The following AKR1C4 variants were observed in gnomAD, a reference collection of about 807,000 sequenced individuals.
AKR1C4 encodes the protein 3-alpha-HSD1.
A neutral mutation model predicts 41.0 loss-of-function variants in AKR1C4; 44 were observed. The ratio of observed to expected loss-of-function variants is 1.07; its 90% confidence interval spans 0.84 to 1.38. The LOEUF (loss-of-function observed/expected upper bound fraction) is 1.38. AKR1C4 is among the 40% of genes most tolerant of loss of function. The pLI is 0.00. For missense variants in AKR1C4, 438 were observed against 387.9 expected, an observed-to-expected ratio of 1.13 and a Z score of -1.09; for synonymous variants, 165 against 137.7, an observed-to-expected ratio of 1.20 and a Z score of -1.39.
At chr10:5,204,731 A>G (rs1832458238) in intron 3 of AKR1C4, 2 of 625,562 alleles carry the variant, frequency 3.2e-6, no homozygotes, top group Admixed American at 2.2e-5. Flanking sequence ...GAAAATAACA[A>G]CAGCCACCTT....
In AKR1C4 at chr10:5,213,016, C is replaced by CT; in HGVS notation, c.707dup (p.Leu236PhefsTer39). ...CAGGGTGGACCCAAACTCCCCAGTT[C>CT]TTTTGGAGGACCCAGTTCTTTGTGC... On this transcript the variant is annotated frameshift_variant, in exon 7 of 9. Transcript: ENST00000263126. LOFTEE classifies it high-confidence loss of function. 1.2e-6 allele frequency: 2 copies of CT among 1,614,136 alleles called. No individual in the cohort carries two copies. The highest frequency in any genetic ancestry group is 1.7e-6 in the Non-Finnish European group (2 of 1,180,004).
chr10:5,218,159 TG>T (rs782043993), intron 8 of AKR1C4, among the ~76,000 whole-genome samples: 10 of 152,242 alleles, frequency 6.6e-5, no homozygotes, highest in Non-Finnish European at 1.2e-4. Context: ...ACCTAAAGAT[TG>T]CCCTTAGCAT....
chr10:5,197,783 G>T (rs1437354512), intron 1 of AKR1C4, among the ~76,000 whole-genome samples: 3 of 152,196 alleles, frequency 2.0e-5, no homozygotes, highest in African/African-American at 7.2e-5. Context: ...AGAATTTACA[G>T]AGAAACACCT....
intron 5 of AKR1C4, among the ~76,000 whole-genome samples, chr10:5,206,756 T>C (rs1237400725): frequency 3.2e-5 from 4 of 123,320 alleles, no homozygotes; most frequent in Non-Finnish European, 6.8e-5. Flanking sequence ...AGAATGTATA[T>C]AATTATAGAG....
intron 7 of AKR1C4, among the ~76,000 whole-genome samples, chr10:5,215,234 G>C (rs1178872492): frequency 1.3e-5 from 2 of 152,104 alleles, no homozygotes; most frequent in African/African-American, 4.8e-5. Context: ...ATACAATTTG[G>C]ATATTTGTCT....
intron 1 of AKR1C4, among the ~76,000 whole-genome samples, chr10:5,199,201 G>C (rs1554796639): frequency 6.6e-6 from 1 of 152,120 alleles, no homozygotes; most frequent in African/African-American, 2.4e-5. Flanking sequence ...ATTGGGATGG[G>C]TTTATCACCC....
At chr10:5,197,259 C>T (rs907138815) in intron 1 of AKR1C4, among the ~76,000 whole-genome samples, 2 of 152,166 alleles carry the variant, frequency 1.3e-5, no homozygotes, top group African/African-American at 4.8e-5. Flanking sequence ...CCTGGCAGTT[C>T]CCTTTCTAGG....
rs185678213 is a variant in AKR1C4 at position 5,217,159 on chromosome 10, T to C, written c.929+366T>C. On this transcript the variant is annotated intron_variant, in intron 8 of 8. Coordinates refer to ENST00000263126, the MANE Select transcript of AKR1C4 (RefSeq NM_001818.5). ...TAATGTTTTTCCAAATCTGTACTTA[T>C]AGCTTTTTCTTCCAAATCCACTCAG... Among the ~76,000 whole-genome samples the C allele has an allele frequency of 1.3e-4, 20 of 152,394 alleles. No homozygotes were observed. The East Asian group carries it at 2.3e-3, about 18-fold the overall frequency.
intron 5 of AKR1C4, 128 bp from the exon 6 acceptor site, chr10:5,212,488 A>AC: frequency 1.1e-6 from 1 of 886,440 alleles, no homozygotes; most frequent in Non-Finnish European, 1.6e-6. Context: ...ATTTTTATAA[A>AC]ATGATTGTTA....
rs557105056 is a variant in AKR1C4 at position 5,197,342 on chromosome 10, G to A, written c.84+391G>A. Among the ~76,000 whole-genome samples, 9 of 152,224 alleles carry A rather than the reference G, an allele frequency of 5.9e-5. No individual in the cohort carries two copies. The South Asian group carries it at 1.5e-3, about 25-fold the overall frequency. ...GAAATCTTTTATTCTTCTACTAGAC[G>A]TGATCAAAAGAAACATTTGTGGTAA... On this transcript the variant is annotated intron_variant, in intron 1 of 8. Coordinates refer to ENST00000263126, the MANE Select transcript of AKR1C4 (RefSeq NM_001818.5).
At position 5,218,700 on chromosome 10, in the gene AKR1C4, T is replaced by C; in HGVS notation, c.930-18T>C. ...AGTCATTTCATCCATATTTATGTAC[T>C]ATCCTTTCTCTTTTCAGTCTTATGG... On this transcript the variant is annotated intron_variant, in intron 8 of 8. Coordinates refer to ENST00000263126, the MANE Select transcript of AKR1C4 (RefSeq NM_001818.5). 1.3e-6 allele frequency: 2 copies of C among 1,568,836 alleles called. No homozygotes were observed. Among genetic ancestry groups the C allele is most frequent in the Non-Finnish European group, 1.8e-6 (2 of 1,138,786 alleles).
intron 2 of AKR1C4, among the ~76,000 whole-genome samples, chr10:5,203,396 A>G (rs1319445576): frequency 6.6e-6 from 1 of 152,168 alleles, no homozygotes; most frequent in Admixed American, 6.5e-5. Context: ...TCCATGCTGG[A>G]GACTGGTAAT....
chr10:5,210,079 T>C (rs547929343), intron 5 of AKR1C4, among the ~76,000 whole-genome samples: 1 of 152,268 alleles, frequency 6.6e-6, no homozygotes, highest in African/African-American at 2.4e-5. Flanking sequence ...GTACAGGCAT[T>C]GGGCAAATAC....
intron 7 of AKR1C4, among the ~76,000 whole-genome samples, chr10:5,214,443 C>T (rs1409969298): frequency 6.6e-6 from 1 of 152,140 alleles, no homozygotes; most frequent in Non-Finnish European, 1.5e-5. Context: ...ATATCAACTT[C>T]AACAAAAGGG....
At chr10:5,213,193 C>T in intron 7 of AKR1C4, 34 bp downstream of exon 7, 1 of 1,609,200 alleles carries the variant, frequency 6.2e-7, no homozygotes, top group Non-Finnish European at 8.5e-7. Flanking sequence ...GGCTCCTGCA[C>T]AGTGTCCTTC....
At position 5,214,500 on chromosome 10, in the gene AKR1C4, A is replaced by G. The variant is rs186254696; in HGVS notation, c.846+1341A>G. On this transcript the variant is annotated intron_variant, in intron 7 of 8. Coordinates refer to ENST00000263126, the MANE Select transcript of AKR1C4 (RefSeq NM_001818.5). ...GAAATTGCTGTGAAACTGCAGATCA[A>G]TTTGGTGAGAACTGATTGAGACTTC... 1.2e-4 allele frequency among the ~76,000 whole-genome samples: 19 copies of G among 152,340 alleles called. No individual in the cohort carries two copies. The East Asian group carries it at 2.1e-3, about 17-fold the overall frequency.
intron 7 of AKR1C4, 44 bp downstream of exon 7, chr10:5,213,203 C>T (rs1159328011): frequency 1.2e-6 from 2 of 1,602,824 alleles, no homozygotes; most frequent in Non-Finnish European, 1.7e-6. Flanking sequence ...CAGTGTCCTT[C>T]ACACGTGTGC....
At chr10:5,200,536 G>A (rs532235310) in intron 2 of AKR1C4, among the ~76,000 whole-genome samples, 188 bp downstream of exon 2, 1 of 152,302 alleles carries the variant, frequency 6.6e-6, no homozygotes, top group African/African-American at 2.4e-5. Context: ...TCATTGTTGT[G>A]TTCAAATTTA....
chr10:5,202,762 CTT>C (rs1262678918), intron 2 of AKR1C4, among the ~76,000 whole-genome samples: 2 of 151,844 alleles, frequency 1.3e-5, no homozygotes, highest in African/African-American at 2.4e-5. Context: ...TTTTAATTCT[CTT>C]TGTGTGGTAT....
Sources: gnomAD v4.1 joint callset for allele counts (sites outside exome capture counted in the v4.1 genomes callset) on GRCh38, gnomAD v4.1.1 for gene constraint, MANE v1.5 for transcripts, NCBI Gene and HGNC (gene_info 2026-07-23, HGNC 2026-07-21) for gene names.